The following DST variants were observed in gnomAD, a reference collection of about 807,000 sequenced individuals.
DST encodes the protein dystonin, also known as bullous pemphigoid antigen.
A neutral mutation model predicts 875.2 loss-of-function variants in DST; 253 were observed. The observed-to-expected ratio is 0.29, with a 90% CI of 0.26 to 0.32. The LOEUF is 0.32. Ranked by LOEUF, DST falls within the 10% of genes least tolerant of loss-of-function variation. DST has a pLI of 1.00. For missense variants in DST, 8,287 were observed against 9,111.6 expected, an observed-to-expected ratio of 0.91 and a Z score of 3.68; for synonymous variants, 3,124 against 3,197.1, an observed-to-expected ratio of 0.98 and a Z score of 0.77.
chr6:56,471,179 G>A lies in DST; in HGVS notation c.22248C>T (p.Phe7416=), dbSNP rs2152396881. The change falls in exon 95 of 104, where the codon TTC becomes TTT. Residue 7416 remains phenylalanine (F), a synonymous_variant. Coordinates refer to ENST00000680361, the MANE Select transcript of DST (RefSeq NM_001374736.1). ...MNHKKSRVMD[F]FRRIDKDQDG... ...CCTGGTCTTTATCAATTCTCCTGAA[G>A]AAGTCCATCACTCGAGATTTCTTGT... 6.2e-7 allele frequency: 1 copy of A among 1,608,852 alleles called. No homozygotes were observed. The highest frequency in any genetic ancestry group is 2.2e-5 in the East Asian group (1 of 44,786).
intron 98 of DST, chr6:56,467,454 T>G (rs1005579296): frequency 6.6e-6 from 1 of 152,164 alleles, no homozygotes; most frequent in East Asian, 1.9e-4. Flanking sequence ...TTCTAAATCT[T>G]TTTTCCTTAA....
At chr6:56,501,474 T>C (rs748509275) in intron 79 of DST, 46 bp downstream of exon 79, 7 of 1,362,240 alleles carry the variant, frequency 5.1e-6, no homozygotes, top group Non-Finnish European at 6.9e-6. Context: ...CATTAATATC[T>C]GAAATTGAAA....
intron 2 of DST, among the ~76,000 whole-genome samples, chr6:56,903,686 C>T (rs551106101): frequency 6.6e-6 from 1 of 152,274 alleles, no homozygotes. Context: ...TCTCAAACTC[C>T]TGACCTCATG....
At chr6:56,492,879 A>G (rs2095798050) in intron 84 of DST, 55 bp downstream of exon 84, 1 of 1,413,520 alleles carries the variant, frequency 7.1e-7, no homozygotes, top group Non-Finnish European at 9.3e-7. Flanking sequence ...TCAAAAAAAA[A>G]AAAAAAAGCC....
At position 56,603,849 on chromosome 6, in the gene DST, G is replaced by T; in HGVS notation, c.10779C>A (p.Ser3593Arg). ...TAGGTCAACTTACTTGTTCGGTTGA[G>T]CTATCTCCAGAAGCCATCTCTTTAG... Reference protein sequence around the residue: ...SGSKEMASGDSSTEQFSSELQ... With the variant: ...SGSKEMASGDRSTEQFSSELQ... Residue 3593 changes from serine (S) to arginine (R), a missense_variant, in exon 40 of 104, where the codon AGC becomes AGA. Physicochemically the swap from Ser to Arg is moderately radical, Grantham distance 110 (BLOSUM62 -1). Transcript: ENST00000680361. 6.2e-7 allele frequency: 1 copy of T among 1,608,640 alleles called. No homozygotes were observed. Among genetic ancestry groups the T allele is most frequent in the Non-Finnish European group, 8.5e-7 (1 of 1,177,760 alleles).
At chr6:56,534,592 A>C (rs2096960102) in intron 63 of DST, among the ~76,000 whole-genome samples, 1 of 152,200 alleles carries the variant, frequency 6.6e-6, no homozygotes, top group African/African-American at 2.4e-5. Context: ...GTCAATATTT[A>C]ATATATAAAA....
chr6:56,648,890 C>G (rs1338802647), intron 12 of DST, among the ~76,000 whole-genome samples: 1 of 152,202 alleles, frequency 6.6e-6, no homozygotes, highest in African/African-American at 2.4e-5. Context: ...CATTTGGCCA[C>G]TAACACTAGC....
At position 56,608,166 on chromosome 6, in the gene DST, TTCTAA is replaced by T; in HGVS notation, c.6457_6461del (p.Leu2153SerfsTer3). The T allele has an allele frequency of 6.2e-7, 1 of 1,613,780 alleles. No homozygotes were observed. The highest frequency in any genetic ancestry group is 8.5e-7 in the Non-Finnish European group (1 of 1,179,774). On this transcript the variant is annotated frameshift_variant, in exon 40 of 104. Transcript: ENST00000680361. LOFTEE classifies it high-confidence loss of function. The stretch of plus-strand genomic sequence containing the variant: ...GCCATCTTCTGGCATTTTTACAAGC[TTCTAA>T]ATCTCCTAAATCTGGCATTTTATCA...
At chr6:56,765,018 G>A (rs1358424687) in intron 4 of DST, among the ~76,000 whole-genome samples, 4 of 151,876 alleles carry the variant, frequency 2.6e-5, no homozygotes, top group African/African-American at 9.7e-5. Flanking sequence ...AGGGTAAGAA[G>A]CAATAGGCAC....
At chr6:56,907,265 C>T (rs1046913815) in intron 2 of DST, among the ~76,000 whole-genome samples, 3 of 152,148 alleles carry the variant, frequency 2.0e-5, no homozygotes, top group Non-Finnish European at 4.4e-5. Context: ...TGGCTTAAGT[C>T]AGACAGTCAG....
At position 56,783,483 on chromosome 6, in the gene DST, CTTCT is replaced by C. The variant is rs1336825627; in HGVS notation, c.626-48198_626-48195del. 1.4e-4 allele frequency among the ~76,000 whole-genome samples: 21 copies of C among 152,248 alleles called. No homozygotes were observed. The South Asian group carries it at 2.3e-3, about 17-fold the overall frequency. On this transcript the variant is annotated intron_variant, in intron 4 of 103. Coordinates refer to ENST00000680361, the MANE Select transcript of DST (RefSeq NM_001374736.1). The stretch of plus-strand genomic sequence containing the variant: ...GATCCCTTTACCATTACGTAATGGC[CTTCT>C]TTGTCTCTTTTGATCTTTGTTGGTT...
intron 4 of DST, among the ~76,000 whole-genome samples, chr6:56,839,369 C>T (rs1232351817): frequency 6.6e-6 from 1 of 152,192 alleles, no homozygotes; most frequent in Non-Finnish European, 1.5e-5. Context: ...CAAACATAAT[C>T]TTAACTAACA....
At chr6:56,592,476 G>T in intron 48 of DST, 118 bp from the exon 49 acceptor site, 1 of 868,470 alleles carries the variant, frequency 1.2e-6, no homozygotes, top group Non-Finnish European at 1.7e-6. Flanking sequence ...TTCCACCAAA[G>T]TTAATAAAAA....
At chr6:56,797,818 CAA>C (rs34649685) in intron 4 of DST, among the ~76,000 whole-genome samples, 16 of 60,836 alleles carry the variant, frequency 2.6e-4, no homozygotes, top group East Asian at 7.1e-4. Flanking sequence ...AACTCCGTCT[CAA>C]AAAAAAAAAA....
At chr6:56,708,255 A>C (rs2152889161) in intron 5 of DST, among the ~76,000 whole-genome samples, 1 of 152,326 alleles carries the variant, frequency 6.6e-6, no homozygotes, top group Middle Eastern at 3.4e-3. Context: ...TCCTAGTTCA[A>C]CCTAGAGAAC....
At chr6:56,927,955 T>G (rs770829351) in intron 2 of DST, among the ~76,000 whole-genome samples, 2 of 152,150 alleles carry the variant, frequency 1.3e-5, no homozygotes, top group African/African-American at 4.8e-5. Flanking sequence ...TACAAGATCA[T>G]GGGAGCTCAA....
At chr6:56,500,488 T>C (rs2152457342) in intron 80 of DST, among the ~76,000 whole-genome samples, 1 of 152,240 alleles carries the variant, frequency 6.6e-6, no homozygotes, top group African/African-American at 2.4e-5. Context: ...TTTTAAAACG[T>C]AATAAATACT....
Position 56,603,436 on chromosome 6 carries a change from T to C in DST, c.10942-16A>G, listed in dbSNP as rs762282902. ...ATTCAAATGTCTGCAAAGAAATATA[T>C]CCCGGACCTATTTACTATTTAGTGA... On this transcript the variant is annotated splice_polypyrimidine_tract_variant and intron_variant, in intron 41 of 103. Coordinates refer to ENST00000680361, the MANE Select transcript of DST (RefSeq NM_001374736.1). 2 of 1,606,600 alleles carry C rather than the reference T, an allele frequency of 1.2e-6. No homozygotes were observed. Among genetic ancestry groups the C allele is most frequent in the Admixed American group, 3.4e-5 (2 of 59,324 alleles).
chr6:56,482,241 T>G (rs2095426189), intron 89 of DST, 63 bp from the exon 90 acceptor site: 2 of 1,550,182 alleles, frequency 1.3e-6, no homozygotes, highest in African/African-American at 2.7e-5. Context: ...TAGCACAATT[T>G]ACAAAACTGT....
Sources: allele counts gnomAD v4.1 joint callset (sites outside exome capture counted in the v4.1 genomes callset), GRCh38; gene constraint gnomAD v4.1.1; transcripts MANE v1.5; gene names NCBI Gene and HGNC (gene_info 2026-07-23, HGNC 2026-07-21).